FAT3: variants seen among roughly 807,000 people sequenced by gnomAD.
FAT3 encodes protocadherin Fat 3.
FAT3 carries 95 observed loss-of-function variants against 310.2 expected under a neutral mutation model. The observed-to-expected ratio is 0.31, with a 90% CI of 0.26 to 0.36. The LOEUF (loss-of-function observed/expected upper bound fraction) is 0.36. Among genes scored for constraint, FAT3 ranks in the 10% least tolerant of loss-of-function variants. The probability of loss-of-function intolerance (pLI) is 1.00; values close to 1 mark genes in which losing one functional copy is unlikely to be tolerated. For synonymous variants in FAT3, 2,314 were observed against 2,192.9 expected, an observed-to-expected ratio of 1.06 and a Z score of -1.54; for missense variants, 5,408 against 5,715.6, an observed-to-expected ratio of 0.95 and a Z score of 1.74.
Position 92,792,844 on chromosome 11 carries a change from T to G in FAT3, c.4689T>G (p.Ser1563Arg). 5 of 1,613,844 alleles carry G rather than the reference T, an allele frequency of 3.1e-6. No homozygotes were observed. Among genetic ancestry groups the G allele is most frequent in the Non-Finnish European group, 4.2e-6 (5 of 1,179,794 alleles). ...ATGTGGAGGATGCTAATGATCACAG[T>G]CCTTATTTTACCAACCCACTGTATG... is the stretch of plus-strand genomic sequence containing the variant. The part of the protein sequence containing the change: ...IVNVEDANDH[S>R]PYFTNPLYEA... Residue 1563 changes from serine (S) to arginine (R), a missense_variant, in exon 9 of 28, where the codon AGT (serine) becomes AGG (arginine). Ser to Arg is a moderately radical substitution (Grantham distance 110). Transcript: ENST00000525166.
intron 3 of FAT3, among the ~76,000 whole-genome samples, chr11:92,534,553 C>T (rs577405109): frequency 6.6e-6 from 1 of 152,198 alleles, no homozygotes; most frequent in South Asian, 2.1e-4. Flanking sequence ...AACTCCCAGC[C>T]CACACTTGTG....
chr11:92,700,726 AT>A, intron 4 of FAT3, among the ~76,000 whole-genome samples: 1 of 152,220 alleles, frequency 6.6e-6, no homozygotes, highest in South Asian at 2.1e-4. Context: ...ACACCATTTC[AT>A]TTAATAAATC....
chr11:92,295,764 G>A (rs1047763778), intron 1 of FAT3, among the ~76,000 whole-genome samples: 2 of 152,052 alleles, frequency 1.3e-5, no homozygotes, highest in African/African-American at 4.8e-5. Flanking sequence ...ATGGAAAGAA[G>A]GGGCCTCAAA....
intron 4 of FAT3, among the ~76,000 whole-genome samples, chr11:92,759,892 T>A (rs1946100142): frequency 1.3e-5 from 2 of 152,200 alleles, no homozygotes; most frequent in South Asian, 4.1e-4. Context: ...GGGCATTAAT[T>A]GACAAGGAGG....
In FAT3 at chr11:92,371,569, C is replaced by T. The variant is rs533887692; in HGVS notation, c.3292+16165C>T. ...CATCTCTACTAAAAAATACAAAAAT[C>T]AGCCGAGTGTGGTGGCGCACACCTG... is the stretch of plus-strand genomic sequence containing the variant. On this transcript the variant is annotated intron_variant, in intron 2 of 27. Transcript: ENST00000525166. 3.3e-5 allele frequency among the ~76,000 whole-genome samples: 5 copies of T among 152,234 alleles called. No individual in the cohort carries two copies. The East Asian group carries it at 9.7e-4, about 29-fold the overall frequency.
At chr11:92,602,898 T>C (rs559619339) in intron 3 of FAT3, among the ~76,000 whole-genome samples, 2 of 152,304 alleles carry the variant, frequency 1.3e-5, no homozygotes, top group East Asian at 3.9e-4. Flanking sequence ...ATTTCATGTA[T>C]TTGTTAGGCC....
intron 3 of FAT3, among the ~76,000 whole-genome samples, chr11:92,548,871 G>T (rs1443180436): frequency 1.3e-5 from 2 of 152,144 alleles, no homozygotes. Context: ...TATTTGTGTG[G>T]AATTTAAAAT....
intron 1 of FAT3, among the ~76,000 whole-genome samples, chr11:92,317,968 C>T (rs1947509708): frequency 6.6e-6 from 1 of 152,302 alleles, no homozygotes; most frequent in African/African-American, 2.4e-5. Context: ...TCTCAATCTT[C>T]TGCCACTTCT....
chr11:92,826,730 T>C (rs1392044360), intron 13 of FAT3, among the ~76,000 whole-genome samples: 2 of 152,234 alleles, frequency 1.3e-5, no homozygotes, highest in East Asian at 3.8e-4. Context: ...GAAGTTTAAA[T>C]CCCTTTGTAA....
At chr11:92,439,783 G>A (rs1055265926) in intron 2 of FAT3, among the ~76,000 whole-genome samples, 4 of 152,064 alleles carry the variant, frequency 2.6e-5, no homozygotes, top group South Asian at 2.1e-4. Flanking sequence ...TTAGCCAGGC[G>A]TTTGTGCCTG....
In FAT3 at chr11:92,323,229, A is replaced by ATG. The variant is rs560735542; in HGVS notation, c.-17-28853_-17-28852dup. ...TATATACATATACATACATATATAT[A>ATG]TGTGTGTGTGTGTGTATGTGTGTGT... On this transcript the variant is annotated intron_variant, in intron 1 of 27. Coordinates refer to ENST00000525166, the MANE Select transcript of FAT3 (RefSeq NM_001367949.2). Among the ~76,000 whole-genome samples, 305 of 151,090 alleles carry ATG rather than the reference A, an allele frequency of 2.0e-3. 1 individual carries two copies. Among genetic ancestry groups the ATG allele is most frequent in the South Asian group, 0.011 (53 of 4,790 alleles).
intron 2 of FAT3, among the ~76,000 whole-genome samples, chr11:92,379,350 C>T (rs1047974633): frequency 6.6e-6 from 1 of 152,116 alleles, no homozygotes; most frequent in Non-Finnish European, 1.5e-5. Context: ...CTGTATTTGC[C>T]AAGCCATAGC....
At chr11:92,444,141 G>C (rs986978362) in intron 2 of FAT3, among the ~76,000 whole-genome samples, 3 of 152,108 alleles carry the variant, frequency 2.0e-5, no homozygotes, top group Non-Finnish European at 4.4e-5. Context: ...CCATATAAAT[G>C]AGAGTATCTT....
At chr11:92,675,672 G>A (rs1295893392) in intron 3 of FAT3, among the ~76,000 whole-genome samples, 1 of 152,166 alleles carries the variant, frequency 6.6e-6, no homozygotes, top group African/African-American at 2.4e-5. Context: ...CCAATTCTAA[G>A]TAATGAGGTT....
intron 3 of FAT3, among the ~76,000 whole-genome samples, chr11:92,581,450 A>AT (rs759304970): frequency 1.3e-4 from 19 of 150,970 alleles, no homozygotes; most frequent in Non-Finnish European, 2.5e-4. Flanking sequence ...CCTTACTCTC[A>AT]TTTTTTTTGT....
At chr11:92,417,064 A>C (rs115869589) in intron 2 of FAT3, among the ~76,000 whole-genome samples, 2 of 152,312 alleles carry the variant, frequency 1.3e-5, no homozygotes, top group Admixed American at 6.5e-5. Flanking sequence ...CAACTGTTTG[A>C]TTCTATAAGC....
rs529073282 is a variant in FAT3, at chr11:92,294,470, C to T, written c.-17-57626C>T. 3.0e-3 allele frequency among the ~76,000 whole-genome samples: 449 copies of T among 152,020 alleles called. 2 individuals are homozygous for T. The highest frequency in any genetic ancestry group is 0.01 in the African/African-American group (425 of 41,518). On this transcript the variant is annotated intron_variant, in intron 1 of 27. Coordinates refer to ENST00000525166, the MANE Select transcript of FAT3 (RefSeq NM_001367949.2). ...AAGGAGCCTAAGCTACAGAGATGAGCCATTGCCAAGTCATACTATAGTGGA... is the reference window on the plus strand; with the variant it reads ...AAGGAGCCTAAGCTACAGAGATGAGTCATTGCCAAGTCATACTATAGTGGA...
intron 2 of FAT3, among the ~76,000 whole-genome samples, chr11:92,504,666 C>T (rs1298660205): frequency 2.6e-5 from 4 of 151,858 alleles, no homozygotes; most frequent in South Asian, 2.1e-4. Flanking sequence ...TATTGATTTC[C>T]CCAACAAGAT....
At chr11:92,544,887 A>G (rs1398621493) in intron 3 of FAT3, among the ~76,000 whole-genome samples, 1 of 152,236 alleles carries the variant, frequency 6.6e-6, no homozygotes, top group Non-Finnish European at 1.5e-5. Flanking sequence ...TATGTGTGCC[A>G]GACCCTGTGC....
Sources: gnomAD v4.1 joint callset for allele counts (sites outside exome capture counted in the v4.1 genomes callset) on GRCh38, gnomAD v4.1.1 for gene constraint, MANE v1.5 for transcripts, NCBI Gene and HGNC (gene_info 2026-07-23, HGNC 2026-07-21) for gene names.